ZFP1: variants seen among roughly 807,000 people sequenced by gnomAD.
ZFP1 encodes ZFP1 zinc finger protein.
ZFP1 carries 32 observed loss-of-function variants against 38.5 expected under a neutral mutation model. The observed-to-expected ratio is 0.83, with a 90% CI of 0.63 to 1.12. The LOEUF (loss-of-function observed/expected upper bound fraction) is 1.12, where lower values mean the gene tolerates loss of function less well. ZFP1 is among the 50% of genes most tolerant of loss of function. ZFP1 has a pLI of 0.00. For missense variants in ZFP1, 616 were observed against 480.8 expected, an observed-to-expected ratio of 1.28 and a Z score of -2.63; for synonymous variants, 245 against 168.8, an observed-to-expected ratio of 1.45 and a Z score of -3.50.
the ZFP1 span, among the ~76,000 whole-genome samples, chr16:75,131,154 G>A: frequency 6.6e-6 from 1 of 152,088 alleles, no homozygotes; most frequent in Non-Finnish European, 1.5e-5. Context: ...TTTCCACCTG[G>A]CCAGTTCTTC....
chr16:75,137,339 C>G, the ZFP1 span, among the ~76,000 whole-genome samples: 2 of 151,804 alleles, frequency 1.3e-5, no homozygotes, highest in African/African-American at 4.8e-5. Flanking sequence ...AGGCTGGGTG[C>G]AGTGGCTCAC....
Position 75,169,586 on chromosome 16 carries a change from A to G in ZFP1, c.476A>G (p.Asn159Ser), listed in dbSNP as rs35073382. Reference sequence around the variant, plus strand: ...AGTGGAGTAGAATATTCTGAATACAATAAAAGTGGAAAAGCCCTCAGCCAT... The same window carrying G: ...AGTGGAGTAGAATATTCTGAATACAGTAAAAGTGGAAAAGCCCTCAGCCAT... ...THSGVEYSEYNKSGKALSHKA... is the reference protein window; with the variant it reads ...THSGVEYSEYSKSGKALSHKA... Residue 159 changes from asparagine to serine, a missense_variant, in exon 4 of 4, where the codon AAT becomes AGT. Coordinates refer to ENST00000570010, the MANE Select transcript of ZFP1 (RefSeq NM_153688.4). The G allele has an allele frequency of 6.4e-5, 103 of 1,597,200 alleles. No individual in the cohort carries two copies. Among genetic ancestry groups the G allele is most frequent in the Admixed American group, 1.7e-4 (9 of 54,406 alleles).
chr16:75,134,410 C>G, the ZFP1 span, among the ~76,000 whole-genome samples: 3 of 152,208 alleles, frequency 2.0e-5, no homozygotes, highest in African/African-American at 7.2e-5. Context: ...GAGTTTGTGA[C>G]CAGCCTGGGC....
intron 2 of ZFP1, among the ~76,000 whole-genome samples, chr16:75,159,116 C>T (rs924087989): frequency 4.6e-5 from 7 of 151,768 alleles, no homozygotes; most frequent in African/African-American, 1.5e-4. Context: ...AGGCTGGTCT[C>T]GAACTCCTGG....
rs772688782 is a variant in ZFP1, at chr16:75,169,831, G to T, written c.721G>T (p.Glu241Ter). Residue 241 changes from glutamate to a stop codon, truncating the protein, a stop_gained, in exon 4 of 4, where the codon GAG becomes TAG. Transcript: ENST00000570010. LOFTEE classifies it high-confidence loss of function. Reference sequence around the variant, plus strand: ...AATTCACACTGGGGAGAAACCTTTCGAGTGTCCGGAATGTGGAAAAGCTTT... The same window carrying T: ...AATTCACACTGGGGAGAAACCTTTCTAGTGTCCGGAATGTGGAAAAGCTTT... ...QRIHTGEKPF[E>*]CPECGKAFTH... 1 of 1,614,098 alleles carries T rather than the reference G, an allele frequency of 6.2e-7. No individual in the cohort carries two copies. The highest frequency in any genetic ancestry group is 1.7e-5 in the Admixed American group (1 of 60,018).
At chr16:75,163,618 TTTG>T (rs1004911698) in intron 2 of ZFP1, among the ~76,000 whole-genome samples, 37 of 151,236 alleles carry the variant, frequency 2.4e-4, no homozygotes, top group African/African-American at 8.7e-4. Context: ...GCCTTTTTTT[TTTG>T]TTGTTGTTGA....
At chr16:75,153,107 A>G in intron 2 of ZFP1, 141 bp downstream of exon 2, 3 of 1,130,154 alleles carry the variant, frequency 2.7e-6, no homozygotes, top group Non-Finnish European at 3.7e-6. Context: ...AGCAGCCAAA[A>G]AGCAAATTGA....
At chr16:75,158,223 C>G (rs2037566281) in intron 2 of ZFP1, among the ~76,000 whole-genome samples, 1 of 151,724 alleles carries the variant, frequency 6.6e-6, no homozygotes, top group Admixed American at 6.6e-5. Flanking sequence ...CAGCCTGTTT[C>G]TTTTTTCTTT....
the ZFP1 span, among the ~76,000 whole-genome samples, chr16:75,134,585 T>C: frequency 1.3e-5 from 2 of 150,544 alleles, no homozygotes; most frequent in Non-Finnish European, 3.0e-5. Context: ...ACCCCGTCTC[T>C]ACTAAAAATA....
At position 75,161,894 on chromosome 16, in the gene ZFP1, C is replaced by G. The variant is rs1249273038; in HGVS notation, c.16-4876C>G. On this transcript the variant is annotated intron_variant, in intron 2 of 3. Transcript: ENST00000570010. ...CCACCTCCCAGGTTCAAGCGATTCC[C>G]CTGCCTCAGCCTCCCAGGTAGCTGG... is the stretch of plus-strand genomic sequence containing the variant. Among the ~76,000 whole-genome samples the G allele has an allele frequency of 6.2e-5, 9 of 145,896 alleles. No homozygotes were observed. In the Admixed American group the frequency reaches 6.2e-4, roughly 10 times the overall value.
chr16:75,155,943 T>G (rs1267445524), intron 2 of ZFP1, among the ~76,000 whole-genome samples: 4 of 152,176 alleles, frequency 2.6e-5, no homozygotes, highest in African/African-American at 9.7e-5. Flanking sequence ...TTTTTTTTCC[T>G]TTCAGACATG....
chr16:75,131,872 G>C, the ZFP1 span, among the ~76,000 whole-genome samples: 1 of 152,000 alleles, frequency 6.6e-6, no homozygotes, highest in African/African-American at 2.4e-5. Flanking sequence ...GGCTGAGGTG[G>C]GAGGATCGCT....
intron 2 of ZFP1, among the ~76,000 whole-genome samples, chr16:75,159,806 A>T (rs2037674778): frequency 6.6e-6 from 1 of 152,194 alleles, no homozygotes; most frequent in South Asian, 2.1e-4. Flanking sequence ...TGTCTGCCAG[A>T]TAGCTAAATT....
intron 1 of ZFP1, 111 bp downstream of exon 1, chr16:75,148,754 G>A (rs2037012372): frequency 6.6e-6 from 1 of 152,290 alleles, no homozygotes; most frequent in Non-Finnish European, 1.5e-5. Context: ...GCTACTCGTA[G>A]GCGGCAGTGA....
intron 1 of ZFP1, among the ~76,000 whole-genome samples, chr16:75,149,684 G>C (rs1465758089): frequency 6.6e-6 from 1 of 151,294 alleles, no homozygotes; most frequent in Non-Finnish European, 1.5e-5. Context: ...TCAGCCTCCC[G>C]AGTAGCTGGG....
intron 2 of ZFP1, chr16:75,157,125 T>G (rs2037508163): frequency 6.6e-6 from 1 of 152,250 alleles, no homozygotes; most frequent in Admixed American, 6.5e-5. Flanking sequence ...CATGTTGATC[T>G]TTTGTTTGCA....
chr16:75,120,850 C>T, the ZFP1 span, among the ~76,000 whole-genome samples: 1 of 152,102 alleles, frequency 6.6e-6, no homozygotes, highest in African/African-American at 2.4e-5. Flanking sequence ...TGGTCTCGAT[C>T]TCCTGACCTC....
the ZFP1 span, among the ~76,000 whole-genome samples, chr16:75,129,606 C>T: frequency 6.6e-6 from 1 of 152,206 alleles, no homozygotes; most frequent in South Asian, 2.1e-4. Flanking sequence ...ACCTTCCCCA[C>T]TTCTAGTTGT....
chr16:75,137,761 C>T, the ZFP1 span, among the ~76,000 whole-genome samples: 32 of 151,996 alleles, frequency 2.1e-4, no homozygotes, highest in African/African-American at 2.7e-4. Context: ...CCAACACGCC[C>T]GGCCCCAAAA....
Sources: allele counts gnomAD v4.1 joint callset (sites outside exome capture counted in the v4.1 genomes callset), GRCh38; gene constraint gnomAD v4.1.1; transcripts MANE v1.5; gene names NCBI Gene and HGNC (gene_info 2026-07-23, HGNC 2026-07-21).